The following KATNAL1 variants were observed in gnomAD, a reference collection of about 807,000 sequenced individuals.
KATNAL1 encodes katanin catalytic subunit A1 like 1, also known as katanin p60 ATPase-containing subunit A-like 1.
A neutral mutation model predicts 55.2 loss-of-function variants in KATNAL1; 32 were observed. That is an observed-to-expected ratio of 0.58 (90% CI 0.44 to 0.78). The LOEUF is 0.78. Among genes scored for constraint, KATNAL1 ranks in the 30% least tolerant of loss-of-function variants. The probability of loss-of-function intolerance (pLI) is 0.00; values close to 1 mark genes in which losing one functional copy is unlikely to be tolerated. For missense variants in KATNAL1, 466 were observed against 600.9 expected (o/e 0.78, Z 2.35); for synonymous variants, 193 against 193.6 (o/e 1.00, Z 0.02).
chr13:30,280,307 G>C, intron 2 of KATNAL1, 84 bp from the exon 3 acceptor site: 1 of 1,050,242 alleles, frequency 9.5e-7, no homozygotes, highest in Admixed American at 3.2e-5. Context: ...TAGAGTGCAC[G>C]TTTTCTTAAT....
chr13:30,250,487 A>C (rs975099828), intron 4 of KATNAL1, among the ~76,000 whole-genome samples: 2 of 152,202 alleles, frequency 1.3e-5, no homozygotes, highest in Non-Finnish European at 2.9e-5. Flanking sequence ...ATTATTCATC[A>C]AAAAAGTATA....
chr13:30,244,172 T>C (rs1266750605), intron 4 of KATNAL1, among the ~76,000 whole-genome samples: 2 of 151,288 alleles, frequency 1.3e-5, no homozygotes, highest in African/African-American at 2.4e-5. Context: ...TGAGTGAGAA[T>C]ATGTAGTGTT....
rs192328484 is a variant in KATNAL1, at chr13:30,212,509, G to A, written c.1148-2067C>T. Among the ~76,000 whole-genome samples the A allele has an allele frequency of 2.7e-3, 407 of 152,332 alleles. 1 individual carries two copies. Among genetic ancestry groups the A allele is most frequent in the Admixed American group, 0.015 (229 of 15,302 alleles). On this transcript the variant is annotated intron_variant, in intron 9 of 10. Transcript: ENST00000380615. ...AGCTCCAGCCGAGCTCAGCCTGCCAGGCCCAGTGGTCAGAACGCTGGGCTC... is the reference window on the plus strand; with the variant it reads ...AGCTCCAGCCGAGCTCAGCCTGCCAAGCCCAGTGGTCAGAACGCTGGGCTC...
intron 9 of KATNAL1, among the ~76,000 whole-genome samples, chr13:30,215,067 A>C (rs959172140): frequency 7.3e-5 from 11 of 151,386 alleles, no homozygotes; most frequent in African/African-American, 2.7e-4. Flanking sequence ...GAACTCAAAC[A>C]AATTTACAAG....
chr13:30,270,783 G>A lies in KATNAL1; in HGVS notation c.323+9280C>T, dbSNP rs537023464. Among the ~76,000 whole-genome samples, 408 of 150,858 alleles carry A rather than the reference G, an allele frequency of 2.7e-3. 3 individuals are homozygous for A. Among genetic ancestry groups the A allele is most frequent in the African/African-American group, 8.9e-3 (366 of 41,122 alleles). On this transcript the variant is annotated intron_variant, in intron 3 of 10. Coordinates refer to ENST00000380615, the MANE Select transcript of KATNAL1 (RefSeq NM_032116.5). ...AGGGACACAAACACTGCGGAAGGCC[G>A]CAGGGTCCTCTGCCTAGGAAAACCA...
intron 9 of KATNAL1, among the ~76,000 whole-genome samples, chr13:30,224,805 T>A (rs1875275637): frequency 6.6e-6 from 1 of 152,074 alleles, no homozygotes; most frequent in Admixed American, 6.6e-5. Context: ...TCACTACAGA[T>A]CCTATGGCCA....
Position 30,244,390 on chromosome 13 carries a change from C to T in KATNAL1, c.493-3304G>A, listed in dbSNP as rs559892193. On this transcript the variant is annotated intron_variant, in intron 4 of 10. Coordinates refer to ENST00000380615, the MANE Select transcript of KATNAL1 (RefSeq NM_032116.5). The stretch of plus-strand genomic sequence containing the variant: ...TGTGAATAGTGCTGCAATAAACATA[C>T]GTGTACATGTGTCTTTATAGAATGA... Among the ~76,000 whole-genome samples the T allele has an allele frequency of 5.7e-4, 86 of 152,206 alleles. No homozygotes were observed. The Middle Eastern group carries it at 0.01, about 18-fold the overall frequency.
chr13:30,220,314 A>G (rs537565746), intron 9 of KATNAL1, among the ~76,000 whole-genome samples: 2 of 152,202 alleles, frequency 1.3e-5, no homozygotes, highest in East Asian at 3.9e-4. Flanking sequence ...TACCAAAGTT[A>G]GCTGGGTGTG....
intron 9 of KATNAL1, among the ~76,000 whole-genome samples, chr13:30,214,287 G>C (rs1873988242): frequency 6.6e-6 from 1 of 152,146 alleles, no homozygotes; most frequent in Non-Finnish European, 1.5e-5. Context: ...ACAAAGAAAT[G>C]GAAGAACATT....
chr13:30,274,283 T>C (rs1027621262), intron 3 of KATNAL1, among the ~76,000 whole-genome samples: 1 of 152,212 alleles, frequency 6.6e-6, no homozygotes, highest in Admixed American at 6.5e-5. Flanking sequence ...GACTTTGACC[T>C]TAATTGATCT....
At chr13:30,234,561 C>G (rs1033098284) in intron 6 of KATNAL1, among the ~76,000 whole-genome samples, 1 of 152,138 alleles carries the variant, frequency 6.6e-6, no homozygotes, top group Non-Finnish European at 1.5e-5. Flanking sequence ...TTCCTCTGCC[C>G]TTTATATTCC....
chr13:30,221,103 G>C (rs1203607292), intron 9 of KATNAL1, among the ~76,000 whole-genome samples: 1 of 152,118 alleles, frequency 6.6e-6, no homozygotes, highest in Non-Finnish European at 1.5e-5. Context: ...ATATAAGATG[G>C]AATCTGTGAG....
At position 30,296,181 on chromosome 13, in the gene KATNAL1, C is replaced by T. The variant is rs78976247; in HGVS notation, c.-15+11150G>A. 2.9e-3 allele frequency: 1,826 copies of T among 637,998 alleles called. 28 individuals are homozygous for T. The African/African-American group carries it at 0.03, about 11-fold the overall frequency. The allele number at this position is 637,998 out of a possible 1,614,324, so 39.5% of individuals were successfully genotyped here. A position where few individuals can be genotyped will look rare whatever the true frequency, so the allele number is the denominator to read the frequency against. On this transcript the variant is annotated intron_variant, in intron 1 of 10. Coordinates refer to ENST00000380615, the MANE Select transcript of KATNAL1 (RefSeq NM_032116.5). Reference sequence around the variant, plus strand: ...GGTAATGCGTGCATGGGAAAGCCTGCCCCTAACTTCAAGGCCACATCCATG... The same window carrying T: ...GGTAATGCGTGCATGGGAAAGCCTGTCCCTAACTTCAAGGCCACATCCATG...
chr13:30,269,600 GGCC>G (rs1880089438), intron 3 of KATNAL1, among the ~76,000 whole-genome samples: 1 of 150,432 alleles, frequency 6.6e-6, no homozygotes, highest in Admixed American at 6.6e-5. Flanking sequence ...GTCTCTGCCC[GGCC>G]GCCATCCCAT....
At chr13:30,212,281 T>C (rs1361302180) in intron 9 of KATNAL1, among the ~76,000 whole-genome samples, 4 of 152,248 alleles carry the variant, frequency 2.6e-5, no homozygotes, top group Non-Finnish European at 4.4e-5. Context: ...TTTGAGAAGA[T>C]ATTTGTAACA....
chr13:30,241,485 C>T (rs141636246), intron 4 of KATNAL1, among the ~76,000 whole-genome samples: 223 of 152,152 alleles, frequency 1.5e-3, no homozygotes, highest in African/African-American at 5.1e-3. Context: ...TATGCTTTAC[C>T]CCAAATTCTT....
intron 3 of KATNAL1, among the ~76,000 whole-genome samples, chr13:30,263,660 A>G (rs1393689055): frequency 2.0e-5 from 3 of 150,962 alleles, no homozygotes; most frequent in East Asian, 1.9e-4. Flanking sequence ...TAGGAATCCA[A>G]CTTACAAGGG....
chr13:30,213,229 G>C (rs1457243642), intron 9 of KATNAL1, among the ~76,000 whole-genome samples: 2 of 152,164 alleles, frequency 1.3e-5, no homozygotes, highest in Non-Finnish European at 2.9e-5. Flanking sequence ...CCAGGAAGAA[G>C]TTGAATCTCT....
At chr13:30,256,242 G>A (rs773718168) in intron 3 of KATNAL1, among the ~76,000 whole-genome samples, 1 of 152,118 alleles carries the variant, frequency 6.6e-6, no homozygotes, top group Non-Finnish European at 1.5e-5. Context: ...TCCTCCAAAT[G>A]TGATTAAAAA....
Sources: gnomAD v4.1 joint callset for allele counts (sites outside exome capture counted in the v4.1 genomes callset) on GRCh38, gnomAD v4.1.1 for gene constraint, MANE v1.5 for transcripts, NCBI Gene and HGNC (gene_info 2026-07-23, HGNC 2026-07-21) for gene names.